The following ABCC1 variants were observed in gnomAD, a reference collection of about 807,000 sequenced individuals.
The protein encoded by ABCC1 is ATP binding cassette subfamily C member 1 (ABCC1 blood group).
In ABCC1, 83 loss-of-function variants were observed where a neutral mutation model predicts 172.9. The ratio of observed to expected loss-of-function variants is 0.48; its 90% CI spans 0.40 to 0.58. The LOEUF (loss-of-function observed/expected upper bound fraction) is 0.58. Among genes scored for constraint, ABCC1 ranks in the 20% least tolerant of loss-of-function variants. The probability of loss-of-function intolerance (pLI) is 0.00; values close to 1 mark genes in which losing one functional copy is unlikely to be tolerated. For synonymous variants in ABCC1, 937 were observed against 825.2 expected, an observed-to-expected ratio of 1.14 and a Z score of -2.32; for missense variants, 1,817 against 2,002.7, an observed-to-expected ratio of 0.91 and a Z score of 1.77.
intron 5 of ABCC1, among the ~76,000 whole-genome samples, chr16:16,027,881 T>G (rs2048429563): frequency 6.6e-6 from 1 of 152,186 alleles, no homozygotes; most frequent in African/African-American, 2.4e-5. Flanking sequence ...GCTTCTATTA[T>G]TATTACTACT....
intron 20 of ABCC1, 139 bp downstream of exon 20, chr16:16,102,856 G>T: frequency 1.3e-6 from 1 of 789,774 alleles, no homozygotes; most frequent in Non-Finnish European, 2.0e-6. Context: ...ATCCTCCAAG[G>T]ACCTTGCTTT....
At chr16:16,006,871 C>CGGTGGCGGTGGT (rs1555480299) in intron 1 of ABCC1, among the ~76,000 whole-genome samples, 25,175 of 148,008 alleles carry the variant, frequency 0.17, 2,976 homozygotes, top group Non-Finnish European at 0.26. Flanking sequence ...GTGGCGGTGG[C>CGGTGGCGGTGGT]GGTGGCGGTG....
At chr16:15,959,171 G>C (rs1188205946) in intron 1 of ABCC1, among the ~76,000 whole-genome samples, 1 of 152,130 alleles carries the variant, frequency 6.6e-6, no homozygotes, top group East Asian at 1.9e-4. Context: ...TTAATGAGAC[G>C]TTAAGGAGGT....
chr16:16,102,526 G>C (rs1037361246), intron 19 of ABCC1, 101 bp from the exon 20 acceptor site: 43 of 1,026,646 alleles, frequency 4.2e-5, no homozygotes, highest in Non-Finnish European at 5.7e-5. Flanking sequence ...GCGGCCAGGT[G>C]CTCTGTGGTC....
chr16:15,997,569 T>C (rs901792159), intron 1 of ABCC1, among the ~76,000 whole-genome samples: 3 of 152,076 alleles, frequency 2.0e-5, no homozygotes, highest in Non-Finnish European at 4.4e-5. Flanking sequence ...TGGATTTCCC[T>C]AGATTAGGAA....
At chr16:16,074,474 G>A (rs2050476450) in intron 14 of ABCC1, among the ~76,000 whole-genome samples, 1 of 152,122 alleles carries the variant, frequency 6.6e-6, no homozygotes, top group Non-Finnish European at 1.5e-5. Flanking sequence ...GGTGGGGGGT[G>A]GTTTCTTGGT....
chr16:16,015,706 T>C (rs2047969470), intron 4 of ABCC1, among the ~76,000 whole-genome samples: 1 of 152,156 alleles, frequency 6.6e-6, no homozygotes, highest in African/African-American at 2.4e-5. Context: ...CATTTTGGAT[T>C]GGAGACTCGT....
intron 14 of ABCC1, among the ~76,000 whole-genome samples, chr16:16,073,050 A>AT (rs1196010509): frequency 1.4e-4 from 14 of 100,308 alleles, no homozygotes; most frequent in Non-Finnish European, 2.5e-4. Flanking sequence ...CAAAAAAAAA[A>AT]AAAAAAATAA....
chr16:16,053,774 C>CAAAAA lies in ABCC1; in HGVS notation c.1473+994_1473+998dup, dbSNP rs10526186. 1.4e-3 allele frequency among the ~76,000 whole-genome samples: 52 copies of CAAAAA among 36,218 alleles called. 4 individuals are homozygous for CAAAAA. Among genetic ancestry groups the CAAAAA allele is most frequent in the Non-Finnish European group, 2.4e-3 (34 of 14,012 alleles). 23.8% of individuals were successfully genotyped at this position (36,218 alleles called of 152,430 possible). ...TGCACAACAGAGTGAGACCCTGTCT[C>CAAAAA]AAAAAAAAAAAAAAAAAAAAAAAAA... On this transcript the variant is annotated intron_variant, in intron 11 of 30. Coordinates refer to ENST00000399410, the MANE Select transcript of ABCC1 (RefSeq NM_004996.4).
At chr16:16,076,518 C>G in intron 15 of ABCC1, 117 bp downstream of exon 15, 1 of 989,114 alleles carries the variant, frequency 1.0e-6, no homozygotes, top group Non-Finnish European at 1.5e-6. Flanking sequence ...CTCACTTTGC[C>G]TTTCTAAGAC....
intron 1 of ABCC1, among the ~76,000 whole-genome samples, chr16:16,001,952 A>T (rs544795248): frequency 6.6e-6 from 1 of 152,190 alleles, no homozygotes; most frequent in East Asian, 1.9e-4. Flanking sequence ...TCCTGGGCTC[A>T]TGGGATCCTC....
intron 1 of ABCC1, among the ~76,000 whole-genome samples, chr16:15,957,700 A>G (rs913230800): frequency 3.3e-5 from 5 of 152,070 alleles, no homozygotes; most frequent in East Asian, 1.9e-4. Flanking sequence ...GGTTCAAGCA[A>G]TTCTGCCTCA....
chr16:15,968,088 A>G (rs1210539434), intron 1 of ABCC1, among the ~76,000 whole-genome samples: 1 of 152,144 alleles, frequency 6.6e-6, no homozygotes, highest in African/African-American at 2.4e-5. Context: ...TCTGGAGTAC[A>G]GTGATCTCGG....
chr16:16,124,686 A>G, intron 24 of ABCC1, 103 bp from the exon 25 acceptor site: 1 of 1,513,068 alleles, frequency 6.6e-7, no homozygotes, highest in Admixed American at 1.7e-5. Context: ...CTGCGGAGTT[A>G]CTTGAGTTAG....
chr16:16,098,892 G>A, intron 19 of ABCC1: 1 of 1,352,136 alleles, frequency 7.4e-7, no homozygotes, highest in Non-Finnish European at 9.8e-7. Context: ...TGATGGACGA[G>A]GAGGAAGCAG....
chr16:15,986,821 T>C (rs1306798346), intron 1 of ABCC1, among the ~76,000 whole-genome samples: 11 of 152,166 alleles, frequency 7.2e-5, no homozygotes, highest in Admixed American at 6.5e-4. Context: ...TCCAGGCACA[T>C]AGTAGGGGCT....
chr16:16,030,161 A>G (rs1285311923), intron 5 of ABCC1, among the ~76,000 whole-genome samples: 3 of 152,146 alleles, frequency 2.0e-5, no homozygotes, highest in African/African-American at 7.2e-5. Flanking sequence ...CGTTCAAACA[A>G]TGACCTGGTT....
intron 21 of ABCC1, 36 bp from the exon 22 acceptor site, chr16:16,111,339 C>T (rs995563346): frequency 1.0e-5 from 15 of 1,433,424 alleles, no homozygotes; most frequent in Admixed American, 1.7e-5. Flanking sequence ...TGGGTGCGTG[C>T]ATGTGCTAAG....
intron 1 of ABCC1, among the ~76,000 whole-genome samples, chr16:15,984,774 G>A (rs563312939): frequency 5.3e-5 from 8 of 152,084 alleles, no homozygotes; most frequent in East Asian, 1.9e-4. Context: ...ATATGCACAC[G>A]CATGCATACG....
Sources: gnomAD v4.1 joint callset for allele counts (sites outside exome capture counted in the v4.1 genomes callset) on GRCh38, gnomAD v4.1.1 for gene constraint, MANE v1.5 for transcripts, NCBI Gene and HGNC (gene_info 2026-07-23, HGNC 2026-07-21) for gene names.